SLC24A2: variants seen among roughly 807,000 people sequenced by gnomAD.
SLC24A2 encodes the protein solute carrier family 24 member 2, also known as sodium/potassium/calcium exchanger 2.
A neutral mutation model predicts 62.0 loss-of-function variants in SLC24A2; 36 were observed. The ratio of observed to expected loss-of-function variants is 0.58; its 90% CI spans 0.44 to 0.77. SLC24A2 has a LOEUF of 0.77. SLC24A2 is among the 30% of genes least tolerant of loss of function. SLC24A2 has a pLI of 0.00. For missense variants in SLC24A2, 846 were observed against 817.9 expected (o/e 1.03, Z -0.42); for synonymous variants, 358 against 294.0 (o/e 1.22, Z -2.23).
At position 19,786,381 on chromosome 9, in the gene SLC24A2, A is replaced by G; in HGVS notation, c.486T>C (p.Thr162=). 6.2e-7 allele frequency: 1 copy of G among 1,614,204 alleles called. No homozygotes were observed. The highest frequency in any genetic ancestry group is 8.5e-7 in the Non-Finnish European group (1 of 1,180,046). ...AGATGCCCAGTTTTTCAGTGATGAC[A>G]GTCAAAGAAGGAACAAAGAACTCAT... The part of the protein sequence containing the change: ...VCDEFFVPSL[T]VITEKLGISD... Residue 162 remains threonine (T), a synonymous_variant, in exon 2 of 11, where the codon ACT becomes ACC. Coordinates refer to ENST00000341998, the MANE Select transcript of SLC24A2 (RefSeq NM_020344.4). The surrounding 1 kb of genome is among the most constrained non-coding windows in gnomAD (Gnocchi z 5.0).
chr9:20,116,997 C>T, the SLC24A2 span, among the ~76,000 whole-genome samples: 1 of 152,054 alleles, frequency 6.6e-6, no homozygotes, highest in Non-Finnish European at 1.5e-5. Flanking sequence ...TCCACTCAAC[C>T]CCCAGGAAAT....
the SLC24A2 span, among the ~76,000 whole-genome samples, chr9:20,213,716 AC>A: frequency 6.6e-6 from 1 of 152,222 alleles, no homozygotes; most frequent in Non-Finnish European, 1.5e-5. Context: ...AATAGATATT[AC>A]CACAATTTGC....
the SLC24A2 span, among the ~76,000 whole-genome samples, chr9:19,874,981 T>C: frequency 1.4e-5 from 2 of 141,874 alleles, no homozygotes; most frequent in Admixed American, 7.6e-5. Context: ...TGTCTAACTT[T>C]ATCTTCCAGA....
chr9:19,845,987 A>G, the SLC24A2 span, among the ~76,000 whole-genome samples: 1 of 151,042 alleles, frequency 6.6e-6, no homozygotes, highest in East Asian at 1.9e-4. Context: ...TTCTGAGTTT[A>G]TTGAGACCTG....
At chr9:20,305,644 A>G in the SLC24A2 span, among the ~76,000 whole-genome samples, 3 of 152,320 alleles carry the variant, frequency 2.0e-5, no homozygotes, top group African/African-American at 4.8e-5. Context: ...TAAGTATTTC[A>G]CATACGTCAG....
the SLC24A2 span, among the ~76,000 whole-genome samples, chr9:19,865,965 C>T: frequency 6.6e-6 from 1 of 151,986 alleles, no homozygotes; most frequent in African/African-American, 2.4e-5. Flanking sequence ...AAGGGAATAA[C>T]GAGAATATGT....
chr9:20,112,610 C>G, the SLC24A2 span, among the ~76,000 whole-genome samples: 1 of 152,090 alleles, frequency 6.6e-6, no homozygotes, highest in Non-Finnish European at 1.5e-5. Context: ...ATCTCATATA[C>G]TCAAAGCAAT....
At chr9:19,907,592 C>A in the SLC24A2 span, among the ~76,000 whole-genome samples, 206 of 152,202 alleles carry the variant, frequency 1.4e-3, no homozygotes, top group African/African-American at 4.7e-3. Flanking sequence ...CGTCTCAGCC[C>A]AAAATCTACT....
the SLC24A2 span, among the ~76,000 whole-genome samples, chr9:19,888,891 C>T: frequency 5.9e-5 from 9 of 152,158 alleles, no homozygotes; most frequent in Non-Finnish European, 1.0e-4. Flanking sequence ...TCCACAAGCA[C>T]AAATTGGAAC....
the SLC24A2 span, among the ~76,000 whole-genome samples, chr9:20,233,794 G>C: frequency 1.3e-5 from 2 of 152,160 alleles, no homozygotes. Context: ...TATTTTGCTA[G>C]TTAGTTGATG....
chr9:19,582,896 C>A (rs1314335385), intron 5 of SLC24A2, among the ~76,000 whole-genome samples: 1 of 151,946 alleles, frequency 6.6e-6, no homozygotes, highest in Non-Finnish European at 1.5e-5. Flanking sequence ...TTCCTTCCAC[C>A]CCTTTCCCAC....
the SLC24A2 span, among the ~76,000 whole-genome samples, chr9:19,819,001 C>T: frequency 2.0e-5 from 3 of 151,012 alleles, no homozygotes; most frequent in Non-Finnish European, 4.4e-5. Flanking sequence ...AAAATAGGCA[C>T]ATAGACCAGT....
the SLC24A2 span, among the ~76,000 whole-genome samples, chr9:20,002,424 T>C: frequency 6.7e-6 from 1 of 148,622 alleles, no homozygotes. Flanking sequence ...GAAAAGATAA[T>C]AGCATAACAC....
At chr9:20,025,279 G>T in the SLC24A2 span, among the ~76,000 whole-genome samples, 2 of 152,210 alleles carry the variant, frequency 1.3e-5, no homozygotes, top group African/African-American at 4.8e-5. Context: ...TAATCACTCT[G>T]TATCTCAGCT....
At chr9:20,282,409 T>C in the SLC24A2 span, among the ~76,000 whole-genome samples, 1 of 152,170 alleles carries the variant, frequency 6.6e-6, no homozygotes, top group Non-Finnish European at 1.5e-5. Flanking sequence ...TACATACATA[T>C]TATGTGTCAA....
chr9:19,564,530 A>G lies in SLC24A2; in HGVS notation c.1347+8821T>C, dbSNP rs536407577. ...TCAGTCATCTGTTATCTACCTACCTATCTCTCTCTGTATCTATCTGTCTAT... is the reference window on the plus strand; with the variant it reads ...TCAGTCATCTGTTATCTACCTACCTGTCTCTCTCTGTATCTATCTGTCTAT... On this transcript the variant is annotated intron_variant, in intron 7 of 10. Transcript: ENST00000341998. 3.7e-5 allele frequency among the ~76,000 whole-genome samples: 4 copies of G among 109,508 alleles called. No homozygotes were observed. The South Asian group carries it at 1.6e-3, about 42-fold the overall frequency. The allele number at this position is 109,508 out of a possible 152,430, so 71.8% of individuals were successfully genotyped here. A position where few individuals can be genotyped will look rare whatever the true frequency, so the allele number is the denominator to read the frequency against.
intron 5 of SLC24A2, among the ~76,000 whole-genome samples, chr9:19,586,614 T>C (rs1349268748): frequency 6.6e-6 from 1 of 152,014 alleles, no homozygotes; most frequent in Non-Finnish European, 1.5e-5. Context: ...AAAGATAATC[T>C]AATTGAGTTC....
At chr9:19,812,269 C>T in the SLC24A2 span, among the ~76,000 whole-genome samples, 1 of 152,034 alleles carries the variant, frequency 6.6e-6, no homozygotes, top group African/African-American at 2.4e-5. Flanking sequence ...AATTTTCCCC[C>T]ATATTCTTTT....
intron 2 of SLC24A2, among the ~76,000 whole-genome samples, chr9:19,778,898 A>G (rs1822924866): frequency 6.6e-6 from 1 of 152,240 alleles, no homozygotes; most frequent in Non-Finnish European, 1.5e-5. Context: ...TAACATGTTT[A>G]GAGGAATAAA....
Sources: allele counts gnomAD v4.1 joint callset (sites outside exome capture counted in the v4.1 genomes callset), GRCh38; gene constraint gnomAD v4.1.1; non-coding constraint Gnocchi (gnomAD v3.1); transcripts MANE v1.5; gene names NCBI Gene and HGNC (gene_info 2026-07-23, HGNC 2026-07-21).